KIAA1549L: variants seen among roughly 807,000 people sequenced by gnomAD.
KIAA1549L encodes the protein UPF0606 protein KIAA1549L.
In KIAA1549L, 88 loss-of-function variants were observed where a neutral mutation model predicts 160.7. The observed-to-expected ratio is 0.55, with a 90% CI of 0.46 to 0.65. The LOEUF (loss-of-function observed/expected upper bound fraction) is 0.65. Ranked by LOEUF, KIAA1549L falls within the 30% of genes least tolerant of loss-of-function variation. The probability of loss-of-function intolerance (pLI) is 0.00; values close to 1 mark genes in which losing one functional copy is unlikely to be tolerated. For missense variants in KIAA1549L, 2,258 were observed against 2,437.5 expected (o/e 0.93, Z 1.55); for synonymous variants, 950 against 976.7 (o/e 0.97, Z 0.51).
At chr11:33,439,442 G>A (rs971591008) in intron 1 of KIAA1549L, among the ~76,000 whole-genome samples, 33 of 151,442 alleles carry the variant, frequency 2.2e-4, no homozygotes, top group Admixed American at 6.6e-4. Context: ...TCGCTCTGTC[G>A]CCCAGGCTGG....
In KIAA1549L at chr11:33,551,253, A is replaced by C. The variant is rs1854453190; in HGVS notation, c.3715A>C (p.Lys1239Gln). 6.2e-7 allele frequency: 1 copy of C among 1,612,598 alleles called. No individual in the cohort carries two copies. Residue 1239 changes from lysine to glutamine, a missense_variant, in exon 5 of 21, where the codon AAA (lysine) becomes CAA (glutamine). Coordinates refer to ENST00000658780, the MANE Select transcript of KIAA1549L (RefSeq NM_012194.3). ...CCAGCCTGCAGGCTACTTCCAGCTA[A>C]AAACAGGCAAGTGACTCGGAAGGAA... ...NPQPAGYFQLKTVLQFVSQAD... is the reference protein window; with the variant it reads ...NPQPAGYFQLQTVLQFVSQAD...
chr11:33,636,349 C>CTTTTTTT (rs71034697), intron 16 of KIAA1549L, among the ~76,000 whole-genome samples: 1 of 136,118 alleles, frequency 7.3e-6, no homozygotes, highest in Non-Finnish European at 1.6e-5. Context: ...AATGAATCTT[C>CTTTTTTT]TTTTTTTTTT....
intron 3 of KIAA1549L, among the ~76,000 whole-genome samples, chr11:33,547,402 G>T (rs185037210): frequency 6.6e-6 from 1 of 152,298 alleles, no homozygotes; most frequent in East Asian, 1.9e-4. Flanking sequence ...GTTTGAGGCC[G>T]CAGCACCGAG....
intron 1 of KIAA1549L, among the ~76,000 whole-genome samples, chr11:33,469,832 T>G (rs1467521633): frequency 6.6e-6 from 1 of 152,248 alleles, no homozygotes; most frequent in Admixed American, 6.5e-5. Context: ...GAGAAATGTC[T>G]GTTCAAATCC....
At chr11:33,526,606 C>T (rs1215249517) in intron 1 of KIAA1549L, among the ~76,000 whole-genome samples, 3 of 152,186 alleles carry the variant, frequency 2.0e-5, no homozygotes, top group African/African-American at 7.2e-5. Context: ...CAGGAAGCTC[C>T]ATCCCTAGGG....
chr11:33,616,574 G>C (rs181436773), intron 15 of KIAA1549L, among the ~76,000 whole-genome samples: 2 of 152,196 alleles, frequency 1.3e-5, no homozygotes, highest in East Asian at 3.8e-4. Flanking sequence ...CTTTGAGCAG[G>C]TATAAGCTCT....
At chr11:33,405,334 G>A (rs1203119998) in intron 1 of KIAA1549L, among the ~76,000 whole-genome samples, 1 of 152,052 alleles carries the variant, frequency 6.6e-6, no homozygotes, top group Non-Finnish European at 1.5e-5. Context: ...TGTGGGAGGG[G>A]TTGTGTAGCG....
At chr11:33,486,577 A>T (rs1485243728) in intron 1 of KIAA1549L, among the ~76,000 whole-genome samples, 1 of 152,212 alleles carries the variant, frequency 6.6e-6, no homozygotes, top group Non-Finnish European at 1.5e-5. Flanking sequence ...CTTTGTAATA[A>T]AGATATTATA....
At chr11:33,430,371 G>A (rs928365226) in intron 1 of KIAA1549L, among the ~76,000 whole-genome samples, 4 of 151,966 alleles carry the variant, frequency 2.6e-5, no homozygotes, top group African/African-American at 7.3e-5. Context: ...TGTAGGTGGG[G>A]TGAATGTTAT....
rs575343506 is a variant in KIAA1549L at position 33,383,214 on chromosome 11, G to A, written c.238+6325G>A. On this transcript the variant is annotated intron_variant, in intron 1 of 20. Coordinates refer to ENST00000658780, the MANE Select transcript of KIAA1549L (RefSeq NM_012194.3). ...ATCTGAGAATATTCAAAATGAATGT[G>A]CACACTTCCCTTTTTATTTTCATTA... Among the ~76,000 whole-genome samples, 323 of 151,224 alleles carry A rather than the reference G, an allele frequency of 2.1e-3. 1 individual carries two copies. The highest frequency in any genetic ancestry group is 7.5e-3 in the African/African-American group (309 of 41,162).
In KIAA1549L at chr11:33,628,993, G is replaced by T. The variant is rs369658592; in HGVS notation, c.5409+10331G>T. Among the ~76,000 whole-genome samples the T allele has an allele frequency of 5.7e-3, 848 of 147,792 alleles. 5 individuals are homozygous for T. The highest frequency in any genetic ancestry group is 0.019 in the African/African-American group (709 of 37,652). On this transcript the variant is annotated intron_variant, in intron 16 of 20. Coordinates refer to ENST00000658780, the MANE Select transcript of KIAA1549L (RefSeq NM_012194.3). The stretch of plus-strand genomic sequence containing the variant: ...TAGGGCAGGCCTGGTGGTGACAAAA[G>T]CTCTCAGCATTTGCTTGTCTGTAAA...
At chr11:33,613,252 C>A (rs947549355) in intron 15 of KIAA1549L, among the ~76,000 whole-genome samples, 1 of 152,122 alleles carries the variant, frequency 6.6e-6, no homozygotes, top group Admixed American at 6.5e-5. Context: ...TTTCCTGTAA[C>A]CTCACCAGCA....
intron 1 of KIAA1549L, among the ~76,000 whole-genome samples, chr11:33,408,781 CAA>C (rs71034683): frequency 0.31 from 35,683 of 115,022 alleles, 5,067 homozygotes; most frequent in East Asian, 0.55. Flanking sequence ...ACTAAAAATA[CAA>C]AAAAAAAAAA....
intron 16 of KIAA1549L, among the ~76,000 whole-genome samples, chr11:33,633,633 A>G (rs1851362281): frequency 6.6e-6 from 1 of 152,200 alleles, no homozygotes; most frequent in Non-Finnish European, 1.5e-5. Context: ...CTAGAAAGCA[A>G]AACGCGAATT....
rs183376513 is a variant in KIAA1549L, at chr11:33,513,420, A to G, written c.239-28382A>G. ...TGAATCAGAGTACATCGTGGCATGT[A>G]GATCCTGGAATCCCAGAAGAGAACG... On this transcript the variant is annotated intron_variant, in intron 1 of 20. Coordinates refer to ENST00000658780, the MANE Select transcript of KIAA1549L (RefSeq NM_012194.3). Among the ~76,000 whole-genome samples the G allele has an allele frequency of 7.9e-5, 12 of 152,298 alleles. No individual in the cohort carries two copies. In the East Asian group the frequency reaches 2.1e-3, roughly 27 times the overall value.
intron 13 of KIAA1549L, among the ~76,000 whole-genome samples, chr11:33,605,377 C>T (rs1850475339): frequency 6.6e-6 from 1 of 151,990 alleles, no homozygotes; most frequent in Non-Finnish European, 1.5e-5. Context: ...TAATGGTGGC[C>T]AGGCCAGAGC....
At chr11:33,499,019 A>G (rs891420205) in intron 1 of KIAA1549L, among the ~76,000 whole-genome samples, 3 of 152,132 alleles carry the variant, frequency 2.0e-5, no homozygotes, top group Non-Finnish European at 4.4e-5. Flanking sequence ...GAAATTAAAC[A>G]TGAATATGTA....
intron 1 of KIAA1549L, among the ~76,000 whole-genome samples, chr11:33,529,891 A>G (rs1853698789): frequency 1.3e-5 from 2 of 152,206 alleles, no homozygotes; most frequent in African/African-American, 4.8e-5. Flanking sequence ...GGGGACTCTC[A>G]CTTAGAAGAG....
chr11:33,383,208 G>A (rs943406763), intron 1 of KIAA1549L, among the ~76,000 whole-genome samples: 2 of 151,344 alleles, frequency 1.3e-5, no homozygotes, highest in Non-Finnish European at 2.9e-5. Flanking sequence ...TATTCAAAAT[G>A]AATGTGCACA....
Sources: gnomAD v4.1 joint callset for allele counts (sites outside exome capture counted in the v4.1 genomes callset) on GRCh38, gnomAD v4.1.1 for gene constraint, MANE v1.5 for transcripts, NCBI Gene and HGNC (gene_info 2026-07-23, HGNC 2026-07-21) for gene names.